Variants in DNAI3 observed in about 807,000 individuals in gnomAD.
DNAI3 encodes WD repeat domain 63.
Under a neutral mutation model 115.5 loss-of-function variants are expected in DNAI3, and 83 were observed. The ratio of observed to expected loss-of-function variants is 0.72; its 90% confidence interval spans 0.60 to 0.86. The LOEUF (loss-of-function observed/expected upper bound fraction) is 0.86. DNAI3 is among the 40% of genes least tolerant of loss of function. The pLI, the probability that DNAI3 is intolerant of heterozygous loss-of-function variation, is 0.00. For missense variants in DNAI3, 1,004 were observed against 1,075.8 expected (o/e 0.93, Z 0.93); for synonymous variants, 320 against 347.0 (o/e 0.92, Z 0.86).
At chr1:85,112,560 G>A (rs1655690142) in intron 16 of DNAI3, among the ~76,000 whole-genome samples, 1 of 152,190 alleles carries the variant, frequency 6.6e-6, no homozygotes, top group African/African-American at 2.4e-5. Flanking sequence ...AGCAGTGTAT[G>A]GAGAGTTCCA....
In DNAI3 at chr1:85,124,202, T is replaced by C. The variant is rs1259654396; in HGVS notation, c.2063T>C (p.Ile688Thr). 6.2e-7 allele frequency: 1 copy of C among 1,614,156 alleles called. No individual in the cohort carries two copies. Among genetic ancestry groups the C allele is most frequent in the Admixed American group, 1.7e-5 (1 of 60,016 alleles). ...AGATCACCTTTCTACAACGACATTA[T>C]TCTCACGGTTGGAGGTTGGAACGTG... ...IQRSPFYNDIILTVGGWNVAI... is the reference protein window; with the variant it reads ...IQRSPFYNDITLTVGGWNVAI... Residue 688 changes from isoleucine to threonine, a missense_variant, in exon 19 of 23, where the codon ATT becomes ACT. Ile to Thr is a moderately conservative substitution (Grantham distance 89). Coordinates refer to ENST00000294664, the MANE Select transcript of DNAI3 (RefSeq NM_145172.5).
intron 3 of DNAI3, among the ~76,000 whole-genome samples, chr1:85,077,702 G>A (rs1399725570): frequency 1.3e-5 from 2 of 152,076 alleles, no homozygotes; most frequent in African/African-American, 4.8e-5. Flanking sequence ...GGAAGGCAGG[G>A]GCAGGAGGAA....
At chr1:85,062,697 A>G (rs1260207120) in intron 1 of DNAI3, among the ~76,000 whole-genome samples, 1 of 152,180 alleles carries the variant, frequency 6.6e-6, no homozygotes, top group Non-Finnish European at 1.5e-5. Flanking sequence ...ACGACACTCT[A>G]AGAACTTTAA....
At chr1:85,092,587 G>A (rs1003563626) in intron 8 of DNAI3, among the ~76,000 whole-genome samples, 3 of 152,086 alleles carry the variant, frequency 2.0e-5, no homozygotes, top group Non-Finnish European at 1.5e-5. Flanking sequence ...AACTATCATA[G>A]TAACTACTTT....
At chr1:85,109,124 G>C (rs1356526603) in intron 15 of DNAI3, among the ~76,000 whole-genome samples, 2 of 152,196 alleles carry the variant, frequency 1.3e-5, no homozygotes, top group African/African-American at 4.8e-5. Context: ...ATGAGAAGTT[G>C]TTTGTATTTA....
intron 14 of DNAI3, among the ~76,000 whole-genome samples, chr1:85,106,467 A>G (rs1020763271): frequency 7.9e-5 from 12 of 152,246 alleles, no homozygotes; most frequent in Non-Finnish European, 1.8e-4. Context: ...TTCTCAGTAG[A>G]TATTTCCCCA....
rs1654791784 is a variant in DNAI3 at position 85,086,029 on chromosome 1, T to C, written c.739T>C (p.Trp247Arg). ...AAAGGACATAAGCACTCAGACAAAATGGTAAGTATGTGATGGGTGTATGTA... is the reference window on the plus strand; with the variant it reads ...AAAGGACATAAGCACTCAGACAAAACGGTAAGTATGTGATGGGTGTATGTA... ...QIKDISTQTK[W>R]TYPKNATTQY... Residue 247 changes from tryptophan (W) to arginine (R), a missense_variant and splice_region_variant, in exon 7 of 23, where the codon TGG (tryptophan) becomes CGG (arginine). Trp to Arg is a moderately radical substitution (Grantham distance 101). Transcript: ENST00000294664. The C allele has an allele frequency of 1.2e-6, 2 of 1,613,782 alleles. No homozygotes were observed. The highest frequency in any genetic ancestry group is 1.3e-5 in the African/African-American group (1 of 74,980).
In DNAI3 at chr1:85,128,851, G is replaced by A. The variant is rs1571205241; in HGVS notation, c.2409+52G>A. ...AATTAATGTGACCAGATATTGCTGA[G>A]ATATGTCTTTAAAAAAATGTTAGAA... On this transcript the variant is annotated intron_variant, in intron 21 of 22. Transcript: ENST00000294664. 2.0e-6 allele frequency: 3 copies of A among 1,499,566 alleles called. No homozygotes were observed. The East Asian group carries it at 6.8e-5, about 34-fold the overall frequency. 92.9% of individuals were successfully genotyped at this position (1,499,566 alleles called of 1,614,324 possible).
At chr1:85,084,377 T>A (rs1441748979) in intron 5 of DNAI3, among the ~76,000 whole-genome samples, 169 bp from the exon 6 acceptor site, 2 of 149,472 alleles carry the variant, frequency 1.3e-5, no homozygotes, top group Non-Finnish European at 3.0e-5. Flanking sequence ...TTTCCCTTTT[T>A]TGCTTTGTTT....
intron 13 of DNAI3, among the ~76,000 whole-genome samples, chr1:85,101,297 G>A (rs973992096): frequency 6.6e-5 from 10 of 152,050 alleles, no homozygotes; most frequent in African/African-American, 1.2e-4. Context: ...AATAGCCCAC[G>A]TATAGTTTCT....
At chr1:85,076,715 C>T (rs1008749759) in intron 3 of DNAI3, among the ~76,000 whole-genome samples, 1 of 152,132 alleles carries the variant, frequency 6.6e-6, no homozygotes, top group African/African-American at 2.4e-5. Context: ...CCCCATGATT[C>T]AATTACCTCC....
chr1:85,130,010 T>A lies in DNAI3; in HGVS notation c.2430T>A (p.Tyr810Ter). 6.2e-7 allele frequency: 1 copy of A among 1,612,956 alleles called. No homozygotes were observed. Residue 810 changes from tyrosine to a stop codon, truncating the protein, a stop_gained, in exon 22 of 23, where the codon TAT (tyrosine) becomes TAA (stop). Transcript: ENST00000294664. LOFTEE classifies it high-confidence loss of function. The part of the protein sequence containing the change: ...STNEMASVNH[Y>*]FEREVKHLEY... ...AACAGATGGCAAGTGTCAACCACTA[T>A]TTTGAAAGAGAAGTCAAGCATCTGG... is the stretch of plus-strand genomic sequence containing the variant.
rs779267782 is a variant in DNAI3 at position 85,110,009 on chromosome 1, A to G, written c.1699-39A>G. The G allele has an allele frequency of 2.0e-5, 31 of 1,576,358 alleles. No individual in the cohort carries two copies. In the South Asian group the frequency reaches 3.0e-4, roughly 15 times the overall value. On this transcript the variant is annotated intron_variant, in intron 15 of 22. Coordinates refer to ENST00000294664, the MANE Select transcript of DNAI3 (RefSeq NM_145172.5). ...TAAATTACCCAAGGATAATTTCAGG[A>G]TATGTGGAAATAATCTTTGCTATAT...
chr1:85,130,164 T>C (rs777422657), intron 22 of DNAI3, 52 bp downstream of exon 22: 60 of 1,607,066 alleles, frequency 3.7e-5, no homozygotes, highest in Admixed American at 1.2e-4. Flanking sequence ...CCAGTGGAAA[T>C]ATATTTGTTT....
chr1:85,118,614 A>G (rs570988915), intron 17 of DNAI3, among the ~76,000 whole-genome samples: 1 of 152,296 alleles, frequency 6.6e-6, no homozygotes, highest in East Asian at 1.9e-4. Context: ...TTTGGTATGA[A>G]GAGGAAAGCA....
In DNAI3 at chr1:85,117,777, C is replaced by T. The variant is rs142129983; in HGVS notation, c.1835C>T (p.Pro612Leu). The T allele has an allele frequency of 7.4e-5, 119 of 1,613,736 alleles. No homozygotes were observed. The African/African-American group carries it at 1.2e-3, about 17-fold the overall frequency. Residue 612 changes from proline to leucine, a missense_variant, in exon 17 of 23, where the codon CCG becomes CTG. Coordinates refer to ENST00000294664, the MANE Select transcript of DNAI3 (RefSeq NM_145172.5). ...SKTEKAEEMN[P>L]YHNLESGMAN... ...ACAGAGAAGGCAGAAGAAATGAACC[C>T]GTATCATAATCTGGAAAGTGGGATG...
chr1:85,104,572 C>T lies in DNAI3; in HGVS notation c.1528C>T (p.Gln510Ter). The stretch of plus-strand genomic sequence containing the variant: ...TGAGAATCGAAGTGGAATATGCTGT[C>T]AACTTGTCACATGTTCAGCAGATTG... ...VFENRSGICC[Q>*]LVTCSADCTI... is the part of the protein sequence containing the mutation. The change falls in exon 14 of 23, where the codon CAA becomes TAA. Residue 510 changes from glutamine (Q) to a stop codon, truncating the protein, a stop_gained. Coordinates refer to ENST00000294664, the MANE Select transcript of DNAI3 (RefSeq NM_145172.5). LOFTEE classifies it high-confidence loss of function. 1.2e-6 allele frequency: 2 copies of T among 1,613,790 alleles called. No individual in the cohort carries two copies. Among genetic ancestry groups the T allele is most frequent in the Non-Finnish European group, 1.7e-6 (2 of 1,179,814 alleles).
At chr1:85,117,003 T>C (rs139342981) in intron 16 of DNAI3, among the ~76,000 whole-genome samples, 70 of 152,318 alleles carry the variant, frequency 4.6e-4, no homozygotes, top group African/African-American at 1.7e-3. Context: ...AGTTTTCACT[T>C]GTCTGTTTGT....
intron 16 of DNAI3, among the ~76,000 whole-genome samples, chr1:85,111,985 G>A (rs904187925): frequency 6.6e-6 from 1 of 151,972 alleles, no homozygotes; most frequent in Non-Finnish European, 1.5e-5. Context: ...AGGCCACAAC[G>A]GATCTACTTT....
Sources: gnomAD v4.1 joint callset for allele counts (sites outside exome capture counted in the v4.1 genomes callset) on GRCh38, gnomAD v4.1.1 for gene constraint, MANE v1.5 for transcripts, NCBI Gene and HGNC (gene_info 2026-07-23, HGNC 2026-07-21) for gene names.